The following NPC1 variants were observed in gnomAD, a reference collection of about 807,000 sequenced individuals.
NPC1 encodes the protein Niemann-Pick C1 protein.
In NPC1, 85 loss-of-function variants were observed where a neutral mutation model predicts 140.4. The observed-to-expected ratio is 0.61, with a 90% CI of 0.51 to 0.72. NPC1 has a LOEUF of 0.72. Ranked by LOEUF, NPC1 falls within the 30% of genes least tolerant of loss-of-function variation. The pLI is 0.00. For missense variants in NPC1, 1,504 were observed against 1,623.8 expected (o/e 0.93, Z 1.27); for synonymous variants, 656 against 624.8 (o/e 1.05, Z -0.74).
chr18:23,535,725 T>C, intron 21 of NPC1, 25 bp from the exon 22 acceptor site: 1 of 1,492,568 alleles, frequency 6.7e-7, no homozygotes, highest in Non-Finnish European at 9.3e-7. Flanking sequence ...GGAGGCCTCA[T>C]TAAAGCTCGC....
Position 23,562,218 on chromosome 18 carries a change from G to A in NPC1, c.464-691C>T, listed in dbSNP as rs183480200. On this transcript the variant is annotated intron_variant, in intron 4 of 24. Coordinates refer to ENST00000269228, the MANE Select transcript of NPC1 (RefSeq NM_000271.5). The stretch of plus-strand genomic sequence containing the variant: ...GCGGGAGAATGGCATGAACCCGGGA[G>A]GCAGAGCTTGAAGTGAGCCAAGATT... Among the ~76,000 whole-genome samples, 168 of 151,844 alleles carry A rather than the reference G, an allele frequency of 1.1e-3. 1 individual carries two copies. The highest frequency in any genetic ancestry group is 2.5e-3 in the East Asian group (13 of 5,148).
chr18:23,560,436 C>T lies in NPC1; in HGVS notation c.676G>A (p.Gly226Ser), dbSNP rs1233835322. 6.2e-7 allele frequency: 1 copy of T among 1,614,094 alleles called. No individual in the cohort carries two copies. The highest frequency in any genetic ancestry group is 8.5e-7 in the Non-Finnish European group (1 of 1,180,006). The stretch of plus-strand genomic sequence containing the variant: ...ACCTCATCCACAGACTCGTCACAGC[C>T]TTTGGTGGCATTGTTCATGGGCTCC... ...GMEPMNNATK[G>S]CDESVDEVTA... The change falls in exon 6 of 25, where the codon GGC becomes AGC. Residue 226 changes from glycine (G) to serine (S), a missense_variant. Physicochemically the swap from Gly to Ser is moderately conservative, Grantham distance 56. Coordinates refer to ENST00000269228, the MANE Select transcript of NPC1 (RefSeq NM_000271.5).
chr18:23,523,522 GT>G (rs1410510933), intron 1 of NPC1, among the ~76,000 whole-genome samples: 2 of 105,994 alleles, frequency 1.9e-5, no homozygotes, highest in East Asian at 7.6e-4. Flanking sequence ...ACCAGCCTAG[GT>G]AACATAGACC....
downstream of NPC1, chr18:23,529,774 A>G (rs1567936247): frequency 2.7e-6 from 4 of 1,490,370 alleles, no homozygotes; most frequent in Non-Finnish European, 3.7e-6. Flanking sequence ...AAACACAGTC[A>G]CTGTCTTAGA....
intron 10 of NPC1, among the ~76,000 whole-genome samples, chr18:23,550,479 C>CTTCTTTTTTTTTTTTTTTTTTTTTTTTT (rs746388624): frequency 2.0e-4 from 15 of 74,946 alleles, no homozygotes; most frequent in African/African-American, 9.7e-4. Flanking sequence ...TCTTACATTT[C>CTTCTTTTTTTTTTTTTTTTTTTTTTTTT]TTTTTTTTTT....
rs574830677 is a variant in NPC1, at chr18:23,548,517, A to G, written c.1655-409T>C. Among the ~76,000 whole-genome samples, 13 of 152,290 alleles carry G rather than the reference A, an allele frequency of 8.5e-5. No individual in the cohort carries two copies. The South Asian group carries it at 2.7e-3, about 32-fold the overall frequency. On this transcript the variant is annotated intron_variant, in intron 10 of 24. Coordinates refer to ENST00000269228, the MANE Select transcript of NPC1 (RefSeq NM_000271.5). ...AGAGCCACTCCACACACACACAAGC[A>G]AACACACAGATTCTTCCCCTTTCCC...
chr18:23,556,678 C>A, intron 7 of NPC1, 65 bp from the exon 8 acceptor site: 1 of 1,595,068 alleles, frequency 6.3e-7, no homozygotes, highest in Non-Finnish European at 8.5e-7. Flanking sequence ...AAAGTCGGAA[C>A]AGGGAAAGCA....
At chr18:23,568,238 A>G (rs919709605) in intron 4 of NPC1, among the ~76,000 whole-genome samples, 1 of 152,136 alleles carries the variant, frequency 6.6e-6, no homozygotes, top group Admixed American at 6.5e-5. Context: ...CCATTCAGTC[A>G]GGTTGCCTTG....
Position 23,539,477 on chromosome 18 carries a change from A to ATGTC in NPC1, c.2796-8_2796-7insGACA. The ATGTC allele has an allele frequency of 6.3e-7, 1 of 1,593,556 alleles. No individual in the cohort carries two copies. The highest frequency in any genetic ancestry group is 8.6e-7 in the Non-Finnish European group (1 of 1,162,254). On this transcript the variant is annotated splice_polypyrimidine_tract_variant and splice_region_variant and intron_variant, in intron 18 of 24. Transcript: ENST00000269228. Reference sequence around the variant, plus strand: ...GGCGAAGCCTATTCGGGTACTAGAGAGGACAGACAGGGTTACTGACCTGCT... The same window carrying ATGTC: ...GGCGAAGCCTATTCGGGTACTAGAGATGTCGGACAGACAGGGTTACTGACCTGCT...
chr18:23,554,269 A>G (rs888939404), intron 9 of NPC1, among the ~76,000 whole-genome samples: 3 of 152,112 alleles, frequency 2.0e-5, no homozygotes, highest in Non-Finnish European at 4.4e-5. Context: ...AGCTGGCACG[A>G]TAGCACATGT....
intron 3 of NPC1, among the ~76,000 whole-genome samples, chr18:23,569,212 G>A (rs1046582392): frequency 6.6e-6 from 1 of 152,148 alleles, no homozygotes; most frequent in Non-Finnish European, 1.5e-5. Context: ...CATTTATTGT[G>A]TCCAATTATA....
intron 14 of NPC1, among the ~76,000 whole-genome samples, chr18:23,541,884 T>G (rs2058717844): frequency 6.6e-6 from 1 of 152,222 alleles, no homozygotes; most frequent in Non-Finnish European, 1.5e-5. Context: ...AGGGTAAGAC[T>G]TGGAAACTGC....
chr18:23,569,037 C>A (rs749576080), intron 3 of NPC1, 39 bp from the exon 4 acceptor site: 1 of 1,407,304 alleles, frequency 7.1e-7, no homozygotes, highest in South Asian at 1.2e-5. Flanking sequence ...TGATCTCACA[C>A]ATAATAGGGC....
chr18:23,512,141 C>T (rs1208134776), intron 3 of NPC1, among the ~76,000 whole-genome samples: 1 of 151,642 alleles, frequency 6.6e-6, no homozygotes, highest in Non-Finnish European at 1.5e-5. Flanking sequence ...CTGCCTCAGC[C>T]TCCCAAGTAG....
chr18:23,538,862 A>G, intron 19 of NPC1, 191 bp from the exon 20 acceptor site: 2 of 637,530 alleles, frequency 3.1e-6, no homozygotes, highest in Non-Finnish European at 5.5e-6. Context: ...AATGAATCTG[A>G]AATACCATTT....
intron 3 of NPC1, chr18:23,516,541 T>A: frequency 1.0e-6 from 1 of 993,158 alleles, no homozygotes; most frequent in Non-Finnish European, 1.5e-6. Context: ...TAAGGAGGAC[T>A]CCCCTTGTTC....
chr18:23,556,348 C>T lies in NPC1; in HGVS notation c.1221G>A (p.Gln407=), dbSNP rs765539977. Residue 407 remains glutamine (Q), a synonymous_variant, in exon 8 of 25, where the codon CAG becomes CAA. Transcript: ENST00000269228. ...QHFGPFFRTE[Q]LIIRAPLTDK... Reference sequence around the variant, plus strand: ...CAGTGAGAGGGGCCCGGATGATGAGCTGCTCCGTCCGGAAGAAAGGCCCAA... The same window carrying T: ...CAGTGAGAGGGGCCCGGATGATGAGTTGCTCCGTCCGGAAGAAAGGCCCAA... The T allele has an allele frequency of 6.2e-7, 1 of 1,613,970 alleles. No homozygotes were observed. Among genetic ancestry groups the T allele is most frequent in the Non-Finnish European group, 8.5e-7 (1 of 1,179,984 alleles).
chr18:23,583,870 G>T (rs543139926), intron 1 of NPC1, among the ~76,000 whole-genome samples: 29 of 152,202 alleles, frequency 1.9e-4, no homozygotes, highest in Non-Finnish European at 4.0e-4. Flanking sequence ...CAGTCAAGGA[G>T]TGGGAAAGAT....
intron 1 of NPC1, among the ~76,000 whole-genome samples, chr18:23,575,769 C>CAAAAAAAAAAAAAAAAAAAAAAA (rs35922440): frequency 2.8e-5 from 1 of 35,106 alleles, no homozygotes; most frequent in African/African-American, 8.5e-5. Flanking sequence ...CAGAGAAGAC[C>CAAAAAAAAAAAAAAAAAAAAAAA]AAAAAAAAAA....
Sources: allele counts gnomAD v4.1 joint callset (sites outside exome capture counted in the v4.1 genomes callset), GRCh38; gene constraint gnomAD v4.1.1; transcripts MANE v1.5; gene names NCBI Gene and HGNC (gene_info 2026-07-23, HGNC 2026-07-21).